Variants in MTX2 observed in about 807,000 individuals in gnomAD.
MTX2 encodes metaxin-2.
A neutral mutation model predicts 42.3 loss-of-function variants in MTX2; 35 were observed. That is an observed-to-expected ratio of 0.83 (90% confidence interval 0.63 to 1.10). The LOEUF is 1.10. MTX2 is among the 50% of genes least tolerant of loss of function. The pLI is 0.00. For synonymous variants in MTX2, 119 were observed against 100.9 expected, an observed-to-expected ratio of 1.18 and a Z score of -1.08; for missense variants, 307 against 304.1, an observed-to-expected ratio of 1.01 and a Z score of -0.07.
intron 3 of MTX2, among the ~76,000 whole-genome samples, chr2:176,312,731 C>T (rs954665459): frequency 6.6e-6 from 1 of 151,544 alleles, no homozygotes; most frequent in Admixed American, 6.6e-5. Context: ...GGGGTGGTGG[C>T]GCATGCCTGT....
rs925442089 is a variant in MTX2, at chr2:176,337,861, G to A, written c.*197G>A. On this transcript the variant is annotated 3_prime_UTR_variant, in exon 10 of 10. Coordinates refer to ENST00000249442, the MANE Select transcript of MTX2 (RefSeq NM_006554.5). ...AATTCTGAATTATTTAATCTGATATGTTGTATTCTGTATCTTGAAATTTTT... is the reference window on the plus strand; with the variant it reads ...AATTCTGAATTATTTAATCTGATATATTGTATTCTGTATCTTGAAATTTTT... 1 of 401,852 alleles carries A rather than the reference G, an allele frequency of 2.5e-6. No homozygotes were observed. The highest frequency in any genetic ancestry group is 4.2e-6 in the Non-Finnish European group (1 of 238,144). The allele number at this position is 401,852 out of a possible 1,614,324, so 24.9% of individuals were successfully genotyped here.
intron 3 of MTX2, among the ~76,000 whole-genome samples, chr2:176,305,366 AT>A (rs1377870979): frequency 6.6e-6 from 1 of 152,050 alleles, no homozygotes; most frequent in Non-Finnish European, 1.5e-5. Flanking sequence ...GAATATATAT[AT>A]TTTTTCGTTT....
chr2:176,328,455 A>T, intron 6 of MTX2, 70 bp downstream of exon 6: 2 of 1,029,798 alleles, frequency 1.9e-6, no homozygotes, highest in Non-Finnish European at 2.7e-6. Flanking sequence ...AATCTTTCTT[A>T]TGGGTTAAAG....
intron 1 of MTX2, among the ~76,000 whole-genome samples, chr2:176,283,364 A>G (rs1268285406): frequency 6.6e-6 from 1 of 152,118 alleles, no homozygotes; most frequent in Non-Finnish European, 1.5e-5. Flanking sequence ...CTATTTGTTC[A>G]TTTAAATGCC....
intron 9 of MTX2, among the ~76,000 whole-genome samples, chr2:176,337,167 G>A (rs559827306): frequency 2.0e-5 from 3 of 151,954 alleles, no homozygotes; most frequent in African/African-American, 7.2e-5. Flanking sequence ...TCAGCCTCCC[G>A]TGTAGCTAGG....
chr2:176,337,729 T>C lies in MTX2; in HGVS notation c.*65T>C, dbSNP rs1685032084. The C allele has an allele frequency of 1.4e-6, 2 of 1,415,134 alleles. No individual in the cohort carries two copies. Among genetic ancestry groups the C allele is most frequent in the Admixed American group, 5.0e-5 (2 of 39,934 alleles). 87.7% of individuals were successfully genotyped at this position (1,415,134 alleles called of 1,614,324 possible). A position where few individuals can be genotyped will look rare whatever the true frequency, so the allele number is the denominator to read the frequency against. On this transcript the variant is annotated 3_prime_UTR_variant, in exon 10 of 10. Coordinates refer to ENST00000249442, the MANE Select transcript of MTX2 (RefSeq NM_006554.5). ...TGTTTTACTTGAATGTTACATTAGA[T>C]ATTGGTGTCAGAATTTTAAAACCAA...
rs1433223660 is a variant in MTX2, at chr2:176,328,798, C to T, written c.379-76C>T. The T allele has an allele frequency of 2.0e-6, 3 of 1,465,598 alleles. No homozygotes were observed. The African/African-American group carries it at 4.2e-5, about 21-fold the overall frequency. The allele number at this position is 1,465,598 out of a possible 1,614,324, so 90.8% of individuals were successfully genotyped here. A position where few individuals can be genotyped will look rare whatever the true frequency, so the allele number is the denominator to read the frequency against. On this transcript the variant is annotated intron_variant, in intron 6 of 9. Transcript: ENST00000249442. ...ATGAAATTAGCTTATAAAAAATTGC[C>T]TTGGCAAAAAATAACTTTCTTTATC...
Position 176,291,193 on chromosome 2 carries a change from G to A in MTX2, c.41-5667G>A, listed in dbSNP as rs372736112. Among the ~76,000 whole-genome samples, 110 of 152,260 alleles carry A rather than the reference G, an allele frequency of 7.2e-4. 1 individual carries two copies. Among genetic ancestry groups the A allele is most frequent in the African/African-American group, 2.1e-3 (89 of 41,558 alleles). Reference sequence around the variant, plus strand: ...TAAAATTCAAATTCCAGGAATTTTAGGCAGCTATTTAGTATTTTTTTGAGT... The same window carrying A: ...TAAAATTCAAATTCCAGGAATTTTAAGCAGCTATTTAGTATTTTTTTGAGT... On this transcript the variant is annotated intron_variant, in intron 1 of 9. Transcript: ENST00000249442.
At chr2:176,285,050 C>G (rs1431344510) in intron 1 of MTX2, among the ~76,000 whole-genome samples, 1 of 152,156 alleles carries the variant, frequency 6.6e-6, no homozygotes, top group Non-Finnish European at 1.5e-5. Flanking sequence ...ATAATTACTA[C>G]CCAAGAATGT....
chr2:176,317,049 A>AC (rs1189689040), intron 3 of MTX2, among the ~76,000 whole-genome samples: 1 of 151,520 alleles, frequency 6.6e-6, no homozygotes, highest in African/African-American at 2.4e-5. Flanking sequence ...AAAAAAAAAA[A>AC]AACAAAAACT....
At chr2:176,306,030 A>G (rs190760019) in intron 3 of MTX2, among the ~76,000 whole-genome samples, 236 of 152,230 alleles carry the variant, frequency 1.6e-3, no homozygotes, top group African/African-American at 5.3e-3. Context: ...CATCATTTAC[A>G]TTAGGTATTT....
At chr2:176,282,573 G>T (rs1459029912) in intron 1 of MTX2, among the ~76,000 whole-genome samples, 1 of 151,788 alleles carries the variant, frequency 6.6e-6, no homozygotes, top group African/African-American at 2.4e-5. Flanking sequence ...GGCAGATTTA[G>T]TTATTTCTTC....
intron 1 of MTX2, among the ~76,000 whole-genome samples, chr2:176,275,721 T>C (rs969038485): frequency 1.3e-5 from 2 of 151,732 alleles, no homozygotes; most frequent in African/African-American, 4.8e-5. Context: ...TAGGGGAGGG[T>C]TGTGTAATCC....
chr2:176,335,009 C>T (rs1242095189), intron 9 of MTX2, among the ~76,000 whole-genome samples: 1 of 151,312 alleles, frequency 6.6e-6, no homozygotes, highest in African/African-American at 2.4e-5. Context: ...GGTCCTTTCT[C>T]TACAGGACTT....
chr2:176,286,579 C>T (rs1400181398), intron 1 of MTX2, among the ~76,000 whole-genome samples: 3 of 147,686 alleles, frequency 2.0e-5, no homozygotes, highest in East Asian at 2.1e-4. Context: ...GATGGAGTTT[C>T]GCTCTGGTTG....
At chr2:176,304,667 T>C (rs187642608) in intron 3 of MTX2, among the ~76,000 whole-genome samples, 1 of 152,156 alleles carries the variant, frequency 6.6e-6, no homozygotes, top group Non-Finnish European at 1.5e-5. Flanking sequence ...AAATTTTCCT[T>C]TGTGTCTGGT....
chr2:176,329,267 G>C (rs1401362298), intron 7 of MTX2, 34 bp from the exon 8 acceptor site: 2 of 1,553,340 alleles, frequency 1.3e-6, no homozygotes. Flanking sequence ...TTTTTAGGAA[G>C]GATCACCTTT....
chr2:176,328,272 A>AT, intron 5 of MTX2, 21 bp from the exon 6 acceptor site: 2 of 1,484,310 alleles, frequency 1.3e-6, no homozygotes, highest in Non-Finnish European at 1.8e-6. Flanking sequence ...GTTCTTTTAA[A>AT]TTTTTTTAAA....
At chr2:176,326,503 G>A (rs1053458836) in intron 4 of MTX2, among the ~76,000 whole-genome samples, 3 of 151,632 alleles carry the variant, frequency 2.0e-5, no homozygotes, top group African/African-American at 7.2e-5. Flanking sequence ...CTTGGTTCAT[G>A]TAATTTGGAT....
Sources: gnomAD v4.1 joint callset for allele counts (sites outside exome capture counted in the v4.1 genomes callset) on GRCh38, gnomAD v4.1.1 for gene constraint, MANE v1.5 for transcripts, NCBI Gene and HGNC (gene_info 2026-07-23, HGNC 2026-07-21) for gene names.